Variants in TECRL observed in about 807,000 individuals in gnomAD.
TECRL encodes the protein trans-2,3-enoyl-CoA reductase-like.
A neutral mutation model predicts 52.8 loss-of-function variants in TECRL; 63 were observed. That is an observed-to-expected ratio of 1.19 (90% CI 0.97 to 1.47). The LOEUF is 1.47. Among genes scored for constraint, TECRL ranks in the 40% most tolerant of loss-of-function variants. The pLI, the probability that TECRL is intolerant of heterozygous loss-of-function variation, is 0.00. For missense variants in TECRL, 482 were observed against 429.6 expected (o/e 1.12, Z -1.08); for synonymous variants, 164 against 141.9 (o/e 1.16, Z -1.10).
In TECRL at chr4:64,304,963, G is replaced by T. The variant is rs1311053325; in HGVS notation, c.730+203C>A. On this transcript the variant is annotated intron_variant, in intron 7 of 11. Coordinates refer to ENST00000381210, the MANE Select transcript of TECRL (RefSeq NM_001010874.5). ...TTACAACCTACTAATATTTTTGGTG[G>T]TTCGTGTAGAAACAAAATAAATAAA... 8.3e-6 allele frequency: 3 copies of T among 363,376 alleles called. No individual in the cohort carries two copies. The South Asian group carries it at 3.1e-4, about 37-fold the overall frequency. The allele number at this position is 363,376 out of a possible 1,614,324, so 22.5% of individuals were successfully genotyped here. A position where few individuals can be genotyped will look rare whatever the true frequency, so the allele number is the denominator to read the frequency against.
intron 4 of TECRL, among the ~76,000 whole-genome samples, chr4:64,317,950 A>T (rs991537644): frequency 3.3e-5 from 5 of 152,166 alleles, no homozygotes; most frequent in Non-Finnish European, 5.9e-5. Flanking sequence ...GTTGTTCATC[A>T]TCTCCAAAGG....
At chr4:64,339,896 G>T (rs907993744) in intron 2 of TECRL, among the ~76,000 whole-genome samples, 1 of 152,016 alleles carries the variant, frequency 6.6e-6, no homozygotes, top group African/African-American at 2.4e-5. Context: ...TAAATTTCAT[G>T]CTATTCTGGA....
intron 8 of TECRL, among the ~76,000 whole-genome samples, chr4:64,292,794 T>C (rs934787641): frequency 6.6e-6 from 1 of 151,984 alleles, no homozygotes; most frequent in Non-Finnish European, 1.5e-5. Context: ...ACAATGTGAT[T>C]ATATTTAACA....
chr4:64,394,400 C>T (rs1367856593), intron 1 of TECRL, among the ~76,000 whole-genome samples: 5 of 152,036 alleles, frequency 3.3e-5, no homozygotes, highest in Non-Finnish European at 5.9e-5. Context: ...GCTTAATCTT[C>T]GATAATTGTA....
intron 7 of TECRL, among the ~76,000 whole-genome samples, chr4:64,304,551 T>G (rs774347204): frequency 3.6e-4 from 54 of 152,066 alleles, no homozygotes; most frequent in Non-Finnish European, 4.7e-4. Context: ...TTGTTGAGCT[T>G]TACATTGTGT....
intron 7 of TECRL, among the ~76,000 whole-genome samples, chr4:64,302,454 A>C (rs1286149487): frequency 6.6e-6 from 1 of 151,392 alleles, no homozygotes; most frequent in Admixed American, 6.6e-5. Context: ...GAAAATAATA[A>C]TCATGGCAGT....
chr4:64,293,349 A>G (rs1379919674), intron 8 of TECRL, among the ~76,000 whole-genome samples: 6 of 152,122 alleles, frequency 3.9e-5, no homozygotes, highest in Non-Finnish European at 2.9e-5. Flanking sequence ...AGTGTAGGGC[A>G]GTATCAAATT....
At chr4:64,358,952 C>A (rs1377567488) in intron 2 of TECRL, among the ~76,000 whole-genome samples, 1 of 151,552 alleles carries the variant, frequency 6.6e-6, no homozygotes, top group African/African-American at 2.4e-5. Context: ...ATGAGAATAT[C>A]CATAAGGACC....
intron 3 of TECRL, among the ~76,000 whole-genome samples, chr4:64,323,796 T>C (rs1179620872): frequency 1.3e-5 from 2 of 152,126 alleles, no homozygotes; most frequent in South Asian, 2.1e-4. Flanking sequence ...TTGGCCCGAG[T>C]ACTTAAATGC....
At position 64,338,261 on chromosome 4, in the gene TECRL, C is replaced by T. The variant is rs577674901; in HGVS notation, c.287-9705G>A. Among the ~76,000 whole-genome samples the T allele has an allele frequency of 5.8e-4, 89 of 152,282 alleles. No homozygotes were observed. The Middle Eastern group carries it at 0.024, about 41-fold the overall frequency. The stretch of plus-strand genomic sequence containing the variant: ...AAGCTGAAACTGGATCCCTTCCTTA[C>T]ACCTTATACAAAAATTAATTCAAGA... On this transcript the variant is annotated intron_variant, in intron 2 of 11. Coordinates refer to ENST00000381210, the MANE Select transcript of TECRL (RefSeq NM_001010874.5).
chr4:64,354,711 T>A (rs1281571362), intron 2 of TECRL, among the ~76,000 whole-genome samples: 1 of 152,054 alleles, frequency 6.6e-6, no homozygotes, highest in Non-Finnish European at 1.5e-5. Context: ...GACCAACTAG[T>A]AATAGAGCAG....
In TECRL at chr4:64,299,985, T is replaced by G. The variant is rs1372403015; in HGVS notation, c.763A>C (p.Ile255Leu). Residue 255 changes from isoleucine to leucine, a missense_variant, in exon 8 of 12, where the codon ATC (isoleucine) becomes CTC (leucine). Ile to Leu is a conservative substitution (Grantham distance 5). Coordinates refer to ENST00000381210, the MANE Select transcript of TECRL (RefSeq NM_001010874.5). Reference sequence around the variant, plus strand: ...TATATGATACATACCAGAAAATTGATAGCAGATACTGTGATTTGCCTGTTT... The same window carrying G: ...TATATGATACATACCAGAAAATTGAGAGCAGATACTGTGATTTGCCTGTTT... Reference protein sequence around the residue: ...FGNRQITVSAINFLICEAGNH... With the variant: ...FGNRQITVSALNFLICEAGNH... The G allele has an allele frequency of 1.9e-6, 3 of 1,579,744 alleles. No individual in the cohort carries two copies. The highest frequency in any genetic ancestry group is 2.6e-6 in the Non-Finnish European group (3 of 1,159,902).
Position 64,318,191 on chromosome 4 carries a change from C to G in TECRL, c.436-3428G>C, listed in dbSNP as rs79576070. Among the ~76,000 whole-genome samples, 1,345 of 152,092 alleles carry G rather than the reference C, an allele frequency of 8.8e-3. 18 individuals are homozygous for G. Among genetic ancestry groups the G allele is most frequent in the African/African-American group, 0.031 (1,279 of 41,504 alleles). On this transcript the variant is annotated intron_variant, in intron 4 of 11. Coordinates refer to ENST00000381210, the MANE Select transcript of TECRL (RefSeq NM_001010874.5). ...AATATGCAGGTATACAAAGACCAAA[C>G]AGACTGTGAGCAAAACCAAGAGAAA...
At chr4:64,385,506 A>G (rs1723116475) in intron 1 of TECRL, among the ~76,000 whole-genome samples, 1 of 152,078 alleles carries the variant, frequency 6.6e-6, no homozygotes, top group African/African-American at 2.4e-5. Flanking sequence ...CCTGGGACAC[A>G]GGATACTGCA....
intron 9 of TECRL, among the ~76,000 whole-genome samples, chr4:64,286,386 G>A (rs1723082907): frequency 6.6e-6 from 1 of 151,784 alleles, no homozygotes; most frequent in Non-Finnish European, 1.5e-5. Flanking sequence ...AAAAAGAATA[G>A]CCAAAAAAGG....
intron 6 of TECRL, among the ~76,000 whole-genome samples, chr4:64,308,979 A>G (rs1724508047): frequency 6.6e-6 from 1 of 152,200 alleles, no homozygotes; most frequent in Non-Finnish European, 1.5e-5. Flanking sequence ...TAAAAAATAA[A>G]TTATTTGATA....
At chr4:64,327,419 T>C (rs1449896750) in intron 3 of TECRL, among the ~76,000 whole-genome samples, 1 of 152,138 alleles carries the variant, frequency 6.6e-6, no homozygotes, top group Non-Finnish European at 1.5e-5. Context: ...TCTGTGACAC[T>C]CTTTGAGGCT....
intron 2 of TECRL, among the ~76,000 whole-genome samples, chr4:64,365,684 A>T (rs1721545236): frequency 6.6e-6 from 1 of 152,098 alleles, no homozygotes; most frequent in African/African-American, 2.4e-5. Context: ...GAGGTAGATG[A>T]TGTCTACAAT....
At chr4:64,399,811 A>C (rs1724223482) in intron 1 of TECRL, among the ~76,000 whole-genome samples, 1 of 152,194 alleles carries the variant, frequency 6.6e-6, no homozygotes, top group African/African-American at 2.4e-5. Flanking sequence ...TGGGTGTCCA[A>C]GCAAAAGCCT....
Sources: allele counts gnomAD v4.1 joint callset (sites outside exome capture counted in the v4.1 genomes callset), GRCh38; gene constraint gnomAD v4.1.1; transcripts MANE v1.5; gene names NCBI Gene and HGNC (gene_info 2026-07-23, HGNC 2026-07-21).